RASSF5: variants seen among roughly 807,000 people sequenced by gnomAD.
RASSF5 encodes Ras association domain family member 5.
Under a neutral mutation model 40.5 loss-of-function variants are expected in RASSF5, and 25 were observed. The observed-to-expected ratio is 0.62, with a 90% CI of 0.45 to 0.86. The LOEUF (loss-of-function observed/expected upper bound fraction) is 0.86. RASSF5 is among the 40% of genes least tolerant of loss of function. The pLI is 0.00. For missense variants in RASSF5, 521 were observed against 572.8 expected, an observed-to-expected ratio of 0.91 and a Z score of 0.92; for synonymous variants, 246 against 252.4, an observed-to-expected ratio of 0.97 and a Z score of 0.24.
intron 4 of RASSF5, 73 bp from the exon 5 acceptor site, chr1:206,585,107 A>G (rs1474327167): frequency 8.7e-7 from 1 of 1,145,840 alleles, no homozygotes; most frequent in African/African-American, 1.5e-5. Flanking sequence ...TGCATTTCCA[A>G]TCCTTTCCCG....
Position 206,584,095 on chromosome 1 carries a change from C to A in RASSF5, c.691-292C>A, listed in dbSNP as rs937093280. Reference sequence around the variant, plus strand: ...CACACCCTGCCTCTTACAATGGGCACTCACCAAAGGCAACTGGTTACAGGA... The same window carrying A: ...CACACCCTGCCTCTTACAATGGGCAATCACCAAAGGCAACTGGTTACAGGA... On this transcript the variant is annotated intron_variant, in intron 3 of 5. Transcript: ENST00000579436. This position sits in a 1 kb window ranked among gnomAD's most constrained non-coding sequence, Gnocchi z 4.9. Among the ~76,000 whole-genome samples, 11 of 152,194 alleles carry A rather than the reference C, an allele frequency of 7.2e-5. No individual in the cohort carries two copies. The highest frequency in any genetic ancestry group is 1.5e-4 in the Non-Finnish European group (10 of 68,032).
chr1:206,507,563 C>G lies in RASSF5; in HGVS notation c.-40C>G. 1 of 1,440,368 alleles carries G rather than the reference C, an allele frequency of 6.9e-7. No individual in the cohort carries two copies. Among genetic ancestry groups the G allele is most frequent in the South Asian group, 1.4e-5 (1 of 73,736 alleles). 89.2% of individuals were successfully genotyped at this position (1,440,368 alleles called of 1,614,324 possible). ...GGCTGGCTCGGGAGTAGCGCAGTCG[C>G]CAAAGCCGCCGCTGCCAAAGCTGCC... On this transcript the variant is annotated 5_prime_UTR_variant, in exon 1 of 6. Coordinates refer to ENST00000579436, the MANE Select transcript of RASSF5 (RefSeq NM_182663.4).
At chr1:206,512,364 T>C (rs574184030) in intron 1 of RASSF5, among the ~76,000 whole-genome samples, 2 of 152,282 alleles carry the variant, frequency 1.3e-5, no homozygotes, top group East Asian at 3.9e-4. Flanking sequence ...GTGAAAGGAT[T>C]AAATGTGCGC....
At chr1:206,573,080 T>C (rs1668505946) in intron 2 of RASSF5, among the ~76,000 whole-genome samples, 1 of 152,250 alleles carries the variant, frequency 6.6e-6, no homozygotes, top group African/African-American at 2.4e-5. Flanking sequence ...CTAACATTTA[T>C]GGAGTGCTTA....
chr1:206,541,804 A>G (rs1667551027), intron 2 of RASSF5: 1 of 152,206 alleles, frequency 6.6e-6, no homozygotes, highest in African/African-American at 2.4e-5. Context: ...CGGTGCTCTT[A>G]TCCTGTCACC....
intron 2 of RASSF5, among the ~76,000 whole-genome samples, chr1:206,549,521 A>G (rs1307352346): frequency 6.6e-6 from 1 of 152,166 alleles, no homozygotes; most frequent in African/African-American, 2.4e-5. Context: ...TAAGTTGCCC[A>G]GGCTGGTCTT....
intron 2 of RASSF5, among the ~76,000 whole-genome samples, chr1:206,559,669 A>G (rs1254676408): frequency 6.6e-6 from 1 of 152,248 alleles, no homozygotes; most frequent in Non-Finnish European, 1.5e-5. Context: ...GAAGACAGGA[A>G]TCCCTTCTAA....
chr1:206,554,189 A>T (rs59208397), intron 2 of RASSF5, among the ~76,000 whole-genome samples: 3,214 of 152,266 alleles, frequency 0.021, 107 homozygotes, highest in African/African-American at 0.073. Flanking sequence ...TAAGGCCCTA[A>T]ATCTGATCTC....
chr1:206,540,263 C>T (rs576608110), intron 2 of RASSF5, among the ~76,000 whole-genome samples: 2 of 152,342 alleles, frequency 1.3e-5, no homozygotes, highest in East Asian at 3.9e-4. Context: ...AGGCAAAAGG[C>T]CCAGGGAAGG....
chr1:206,577,378 T>C (rs1000541046), intron 2 of RASSF5, among the ~76,000 whole-genome samples: 2 of 152,192 alleles, frequency 1.3e-5, no homozygotes, highest in Admixed American at 6.5e-5. Context: ...CCTGGGATGA[T>C]AGTCACCATA....
At position 206,531,603 on chromosome 1, in the gene RASSF5, G is replaced by T. The variant is rs1553397958; in HGVS notation, c.458-6569G>T. Among the ~76,000 whole-genome samples, 3 of 152,154 alleles carry T rather than the reference G, an allele frequency of 2.0e-5. No individual in the cohort carries two copies. Among genetic ancestry groups the T allele is most frequent in the African/African-American group, 7.2e-5 (3 of 41,424 alleles). On this transcript the variant is annotated intron_variant, in intron 1 of 5. Coordinates refer to ENST00000579436, the MANE Select transcript of RASSF5 (RefSeq NM_182663.4). The surrounding 1 kb of genome is among the most constrained non-coding windows in gnomAD (Gnocchi z 4.7). Reference sequence around the variant, plus strand: ...CTGCCATAGCTGGTCCAGCCCAGAGGCTCCAGTGGGGCAACACCCAGTGGA... The same window carrying T: ...CTGCCATAGCTGGTCCAGCCCAGAGTCTCCAGTGGGGCAACACCCAGTGGA...
At chr1:206,549,500 C>CA (rs1667779770) in intron 2 of RASSF5, among the ~76,000 whole-genome samples, 1 of 152,070 alleles carries the variant, frequency 6.6e-6, no homozygotes, top group South Asian at 2.1e-4. Context: ...GTAGTCGAGA[C>CA]AGAGTCTCAC....
At chr1:206,510,801 A>G (rs1351392965) in intron 1 of RASSF5, among the ~76,000 whole-genome samples, 1 of 152,182 alleles carries the variant, frequency 6.6e-6, no homozygotes, top group Non-Finnish European at 1.5e-5. Context: ...GCAGAGTGCC[A>G]GGCCCAGAGC....
rs200209277 is a variant in RASSF5, at chr1:206,585,348, G to T, written c.1104+53G>T. ...AGGCCTTAGGGCACCCTGGGTGGGT[G>T]CAGGTGGGTGTTGTCCTAACTACCT... On this transcript the variant is annotated intron_variant, in intron 5 of 5. Coordinates refer to ENST00000579436, the MANE Select transcript of RASSF5 (RefSeq NM_182663.4). The T allele has an allele frequency of 3.9e-4, 530 of 1,350,786 alleles. 3 individuals are homozygous for T. The highest frequency in any genetic ancestry group is 5.1e-4 in the Non-Finnish European group (478 of 940,096). 83.7% of individuals were successfully genotyped at this position (1,350,786 alleles called of 1,614,324 possible). A position where few individuals can be genotyped will look rare whatever the true frequency, so the allele number is the denominator to read the frequency against.
At chr1:206,542,402 T>G (rs1667568583) in intron 2 of RASSF5, 2 of 152,148 alleles carry the variant, frequency 1.3e-5, no homozygotes, top group African/African-American at 4.8e-5. Flanking sequence ...ACACGCCTGC[T>G]CCCCCTTCCC....
chr1:206,528,629 G>T (rs1206915445), intron 1 of RASSF5, among the ~76,000 whole-genome samples: 1 of 152,178 alleles, frequency 6.6e-6, no homozygotes, highest in African/African-American at 2.4e-5. Context: ...GGGGGATGCT[G>T]ATAATAGGGG....
At chr1:206,510,475 A>C (rs1553394498) in intron 1 of RASSF5, among the ~76,000 whole-genome samples, 1 of 152,234 alleles carries the variant, frequency 6.6e-6, no homozygotes, top group East Asian at 1.9e-4. Context: ...AGGGCCTAGC[A>C]AAATGCAATA....
intron 2 of RASSF5, among the ~76,000 whole-genome samples, chr1:206,546,124 T>G (rs1409852891): frequency 1.3e-5 from 1 of 76,730 alleles, no homozygotes; most frequent in African/African-American, 6.2e-5. Flanking sequence ...TTTTTTTTTT[T>G]TTGGGACAGG....
intron 5 of RASSF5, 141 bp from the exon 6 acceptor site, chr1:206,586,685 T>C: frequency 4.3e-6 from 3 of 695,632 alleles, no homozygotes; most frequent in Non-Finnish European, 7.4e-6. Flanking sequence ...CTTCGCTGAT[T>C]CAGTCTGTTC....
Sources: allele counts gnomAD v4.1 joint callset (sites outside exome capture counted in the v4.1 genomes callset), GRCh38; gene constraint gnomAD v4.1.1; non-coding constraint Gnocchi (gnomAD v3.1); transcripts MANE v1.5; gene names NCBI Gene and HGNC (gene_info 2026-07-23, HGNC 2026-07-21).